The following AKAP7 variants were observed in gnomAD, a reference collection of about 807,000 sequenced individuals.
AKAP7 encodes the protein A kinase (PRKA) anchor protein 7.
AKAP7 carries 39 observed loss-of-function variants against 39.5 expected under a neutral mutation model. That is an observed-to-expected ratio of 0.99 (90% confidence interval 0.76 to 1.29). AKAP7 has a LOEUF of 1.29. Ranked by LOEUF, AKAP7 falls within the 50% of genes most tolerant of loss-of-function variation. The pLI is 0.00. For synonymous variants in AKAP7, 140 were observed against 139.1 expected (o/e 1.01, Z -0.05); for missense variants, 414 against 407.7 (o/e 1.02, Z -0.13).
intron 7 of AKAP7, among the ~76,000 whole-genome samples, chr6:131,238,077 A>C (rs1811225232): frequency 6.6e-6 from 1 of 151,738 alleles, no homozygotes. Flanking sequence ...ACTGCTTTGA[A>C]TGTGTCCCAG....
intron 1 of AKAP7, among the ~76,000 whole-genome samples, chr6:131,143,919 T>C (rs1318476573): frequency 7.1e-6 from 1 of 140,514 alleles, no homozygotes; most frequent in Non-Finnish European, 1.5e-5. Flanking sequence ...CCTTCCGAAG[T>C]GTTTGTGTCC....
intron 2 of AKAP7, among the ~76,000 whole-genome samples, chr6:131,156,017 G>C (rs1219828108): frequency 1.3e-5 from 2 of 152,226 alleles, no homozygotes; most frequent in Non-Finnish European, 2.9e-5. Flanking sequence ...AAAGATGCTT[G>C]TTGGAAATCT....
At chr6:131,207,491 ATTTTTTTTT>A (rs531582478) in intron 6 of AKAP7, among the ~76,000 whole-genome samples, 6 of 78,806 alleles carry the variant, frequency 7.6e-5, no homozygotes, top group African/African-American at 2.5e-4. Context: ...GCTAATTAAA[ATTTTTTTTT>A]TTTTTTTTTT....
intron 5 of AKAP7, among the ~76,000 whole-genome samples, chr6:131,172,708 A>G (rs75694926): frequency 2.6e-5 from 4 of 152,164 alleles, no homozygotes; most frequent in African/African-American, 9.7e-5. Context: ...CCAGACCATC[A>G]AAAAAATTGT....
intron 1 of AKAP7, 60 bp from the exon 2 acceptor site, chr6:131,145,225 A>G (rs1470823597): frequency 6.1e-6 from 7 of 1,149,368 alleles, no homozygotes; most frequent in African/African-American, 3.2e-5. Flanking sequence ...TTCATTTAGG[A>G]TATGTTTAAA....
chr6:131,131,160 T>A (rs1800319407), upstream of AKAP7, among the ~76,000 whole-genome samples: 1 of 152,138 alleles, frequency 6.6e-6, no homozygotes, highest in African/African-American at 2.4e-5. Flanking sequence ...AAAGTGACTC[T>A]CCAGAGGCCA....
intron 5 of AKAP7, among the ~76,000 whole-genome samples, chr6:131,195,893 G>A (rs1806876888): frequency 1.3e-5 from 2 of 151,742 alleles, no homozygotes; most frequent in South Asian, 4.2e-4. Flanking sequence ...TTGACCTTTG[G>A]GCGTTTGATT....
chr6:131,270,622 G>T (rs1182585878), intron 7 of AKAP7, among the ~76,000 whole-genome samples: 1 of 152,144 alleles, frequency 6.6e-6, no homozygotes, highest in African/African-American at 2.4e-5. Flanking sequence ...TAAGAATATG[G>T]TCAACTTTTT....
At chr6:131,156,161 T>C (rs933509800) in intron 2 of AKAP7, among the ~76,000 whole-genome samples, 7 of 152,166 alleles carry the variant, frequency 4.6e-5, no homozygotes, top group Admixed American at 4.6e-4. Flanking sequence ...TACAGGTTGA[T>C]AGCTGCCAGA....
At chr6:131,153,143 A>AAAAG (rs1554382800) in intron 2 of AKAP7, among the ~76,000 whole-genome samples, 1 of 151,426 alleles carries the variant, frequency 6.6e-6, no homozygotes, top group African/African-American at 2.4e-5. Flanking sequence ...AAAAAAAAAA[A>AAAAG]AGAGAGAGAG....
At position 131,162,607 on chromosome 6, in the gene AKAP7, A is replaced by G. The variant is rs186456742; in HGVS notation, c.291+2409A>G. Among the ~76,000 whole-genome samples, 320 of 152,212 alleles carry G rather than the reference A, an allele frequency of 2.1e-3. 1 individual carries two copies. The highest frequency in any genetic ancestry group is 3.3e-3 in the Non-Finnish European group (227 of 68,012). ...TTTTCCCATCGATAGGATAAAGACA[A>G]CCTCTTTTCCATGTTCTCTGAGGTT... On this transcript the variant is annotated intron_variant, in intron 3 of 7. Transcript: ENST00000431975.
At chr6:131,230,115 A>G (rs1252900383) in intron 7 of AKAP7, among the ~76,000 whole-genome samples, 1 of 152,232 alleles carries the variant, frequency 6.6e-6, no homozygotes, top group Non-Finnish European at 1.5e-5. Flanking sequence ...TATACCCAGT[A>G]ATGGGATTTC....
chr6:131,224,034 C>T (rs575015973), intron 7 of AKAP7, among the ~76,000 whole-genome samples: 7 of 152,252 alleles, frequency 4.6e-5, no homozygotes, highest in East Asian at 1.9e-4. Flanking sequence ...CTTTTTCAAA[C>T]GCTGCCAATC....
At chr6:131,213,988 GA>G (rs1156232370) in intron 6 of AKAP7, among the ~76,000 whole-genome samples, 1 of 152,078 alleles carries the variant, frequency 6.6e-6, no homozygotes, top group African/African-American at 2.4e-5. Flanking sequence ...AAATGTTTGT[GA>G]ACCAGAGCCA....
chr6:131,178,280 A>G (rs1352198295), intron 5 of AKAP7, among the ~76,000 whole-genome samples: 1 of 152,152 alleles, frequency 6.6e-6, no homozygotes, highest in Non-Finnish European at 1.5e-5. Context: ...TCACCTCCCA[A>G]TCCTTCAGTT....
intron 7 of AKAP7, among the ~76,000 whole-genome samples, chr6:131,268,887 A>G (rs768118487): frequency 6.6e-5 from 10 of 152,090 alleles, no homozygotes; most frequent in Non-Finnish European, 1.5e-4. Flanking sequence ...GGAGTCCTTC[A>G]TTTTCTGATT....
intron 4 of AKAP7, 142 bp from the exon 5 acceptor site, chr6:131,168,971 G>T: frequency 1.4e-6 from 1 of 706,670 alleles, no homozygotes; most frequent in Non-Finnish European, 2.2e-6. Context: ...ATAAAGTTTA[G>T]ATTTAGAAGG....
intron 7 of AKAP7, among the ~76,000 whole-genome samples, chr6:131,256,597 G>A (rs1349129266): frequency 6.6e-6 from 1 of 152,108 alleles, no homozygotes; most frequent in Non-Finnish European, 1.5e-5. Context: ...GATGTGGTCT[G>A]TCCTGTGTCA....
chr6:131,259,207 C>A (rs950662700), intron 7 of AKAP7, among the ~76,000 whole-genome samples: 3 of 152,168 alleles, frequency 2.0e-5, no homozygotes, highest in African/African-American at 7.2e-5. Flanking sequence ...CTAAAGTTAG[C>A]TGTGAAATGC....
Sources: gnomAD v4.1 joint callset for allele counts (sites outside exome capture counted in the v4.1 genomes callset) on GRCh38, gnomAD v4.1.1 for gene constraint, MANE v1.5 for transcripts, NCBI Gene and HGNC (gene_info 2026-07-23, HGNC 2026-07-21) for gene names.